The following CDC123 variants were observed in gnomAD, a reference collection of about 807,000 sequenced individuals.
The protein encoded by CDC123 is translation initiation factor eIF2 assembly protein.
A neutral mutation model predicts 54.4 loss-of-function variants in CDC123; 37 were observed. That is an observed-to-expected ratio of 0.68 (90% CI 0.52 to 0.89). CDC123 has a LOEUF of 0.89. Ranked by LOEUF, CDC123 falls within the 40% of genes least tolerant of loss-of-function variation. The pLI is 0.00. For synonymous variants in CDC123, 144 were observed against 136.8 expected (o/e 1.05, Z -0.37); for missense variants, 361 against 412.1 (o/e 0.88, Z 1.07).
chr10:12,214,777 A>G (rs774133228), intron 4 of CDC123, among the ~76,000 whole-genome samples: 3 of 152,036 alleles, frequency 2.0e-5, no homozygotes, highest in African/African-American at 7.2e-5. Flanking sequence ...AGTTTAGTTA[A>G]TTCAAGATGT....
chr10:12,198,848 G>A, intron 2 of CDC123, 72 bp downstream of exon 2: 1 of 815,976 alleles, frequency 1.2e-6, no homozygotes, highest in Non-Finnish European at 2.1e-6. Flanking sequence ...AATTAGCTTA[G>A]GCACCATTCT....
chr10:12,222,262 C>T (rs1835747050), intron 6 of CDC123, among the ~76,000 whole-genome samples: 1 of 152,200 alleles, frequency 6.6e-6, no homozygotes, highest in African/African-American at 2.4e-5. Context: ...GAAAATACTG[C>T]TTTTTTCTTT....
At chr10:12,203,412 G>A (rs1835469840) in intron 2 of CDC123, among the ~76,000 whole-genome samples, 2 of 152,216 alleles carry the variant, frequency 1.3e-5, no homozygotes, top group African/African-American at 4.8e-5. Flanking sequence ...TGAGTTCAGT[G>A]AATAGAATAG....
chr10:12,209,615 C>T (rs1307230119), intron 2 of CDC123, among the ~76,000 whole-genome samples: 1 of 152,124 alleles, frequency 6.6e-6, no homozygotes, highest in Non-Finnish European at 1.5e-5. Context: ...GGCTGGAGTG[C>T]AGTGGCACGA....
At chr10:12,225,175 A>G (rs1212007980) in intron 6 of CDC123, among the ~76,000 whole-genome samples, 1 of 152,080 alleles carries the variant, frequency 6.6e-6, no homozygotes, top group Non-Finnish European at 1.5e-5. Flanking sequence ...CAGGTGGATT[A>G]CCTAAGGTCG....
At chr10:12,225,858 A>C (rs1341509315) in intron 6 of CDC123, among the ~76,000 whole-genome samples, 2 of 146,948 alleles carry the variant, frequency 1.4e-5, no homozygotes, top group Non-Finnish European at 3.0e-5. Context: ...AGGTAAGCAG[A>C]TAAACATGTG....
At chr10:12,202,326 GTATT>G (rs1835450409) in intron 2 of CDC123, among the ~76,000 whole-genome samples, 1 of 152,120 alleles carries the variant, frequency 6.6e-6, no homozygotes, top group African/African-American at 2.4e-5. Context: ...TATATAGTAT[GTATT>G]CTTTTATGTC....
chr10:12,196,862 C>T (rs962883258), intron 1 of CDC123, among the ~76,000 whole-genome samples: 1 of 152,132 alleles, frequency 6.6e-6, no homozygotes, highest in Non-Finnish European at 1.5e-5. Context: ...TAAATTTATT[C>T]CACAGTGTAT....
intron 1 of CDC123, among the ~76,000 whole-genome samples, chr10:12,197,006 C>T (rs1374228745): frequency 6.6e-6 from 1 of 152,112 alleles, no homozygotes; most frequent in African/African-American, 2.4e-5. Context: ...TCAGTAATTG[C>T]TGATTCATTA....
At chr10:12,219,829 C>T (rs936563218) in intron 6 of CDC123, among the ~76,000 whole-genome samples, 2 of 151,992 alleles carry the variant, frequency 1.3e-5, no homozygotes, top group South Asian at 2.1e-4. Flanking sequence ...GGATTACAGG[C>T]GCATGGCTAC....
chr10:12,208,374 G>C (rs1489906019), intron 2 of CDC123, among the ~76,000 whole-genome samples: 1 of 152,156 alleles, frequency 6.6e-6, no homozygotes, highest in African/African-American at 2.4e-5. Flanking sequence ...GCCCTTTTCA[G>C]CCCTTGTGTT....
At chr10:12,214,278 A>G (rs1023798259) in intron 4 of CDC123, among the ~76,000 whole-genome samples, 5 of 152,334 alleles carry the variant, frequency 3.3e-5, no homozygotes, top group Non-Finnish European at 7.3e-5. Flanking sequence ...TTCATAGGAA[A>G]TACTGCCAGT....
chr10:12,211,309 T>C (rs1280528105), intron 4 of CDC123, among the ~76,000 whole-genome samples: 1 of 152,136 alleles, frequency 6.6e-6, no homozygotes, highest in Non-Finnish European at 1.5e-5. Context: ...TACAGAAAAC[T>C]AGTTTTGTGG....
rs1836212346 is a variant in CDC123 at position 12,249,590 on chromosome 10, G to C, written c.856G>C (p.Ala286Pro). 1 of 1,612,410 alleles carries C rather than the reference G, an allele frequency of 6.2e-7. No homozygotes were observed. The highest frequency in any genetic ancestry group is 8.5e-7 in the Non-Finnish European group (1 of 1,179,630). The change falls in exon 12 of 13, where the codon GCT (alanine) becomes CCT (proline). Residue 286 changes from alanine to proline, a missense_variant. Physicochemically the swap from Ala to Pro is conservative, Grantham distance 27 (BLOSUM62 -1). Transcript: ENST00000281141. ...TTTCTTCTTTGTACAGGATTCCCCA[G>C]CTTTCCGTTGCACAAACAGTGAAGT... ...EVDAQEQDSP[A>P]FRCTNSEVTV...
chr10:12,215,363 C>G (rs1835649650), intron 4 of CDC123, among the ~76,000 whole-genome samples: 1 of 152,188 alleles, frequency 6.6e-6, no homozygotes, highest in Admixed American at 6.5e-5. Flanking sequence ...GATGTTATTT[C>G]TGACAACTAG....
intron 6 of CDC123, among the ~76,000 whole-genome samples, chr10:12,219,368 T>G (rs963533103): frequency 2.0e-5 from 3 of 151,962 alleles, no homozygotes; most frequent in Non-Finnish European, 4.4e-5. Flanking sequence ...TGTCTGTGTC[T>G]GTGTGTGTGT....
chr10:12,249,059 A>G (rs1217543560), intron 11 of CDC123, among the ~76,000 whole-genome samples: 2 of 151,042 alleles, frequency 1.3e-5, no homozygotes, highest in African/African-American at 4.9e-5. Context: ...TGCAGTGAGC[A>G]ACAGAGACCT....
Position 12,237,274 on chromosome 10 carries a change from T to C in CDC123, c.688+8T>C. On this transcript the variant is annotated splice_region_variant and intron_variant, in intron 9 of 12. Transcript: ENST00000281141. ...AATTCTTAGATGAAGACTGTGAGTA[T>C]TTTTTTATTGATCCAGTAAAATGAA... 2.6e-6 allele frequency: 4 copies of C among 1,529,956 alleles called. No individual in the cohort carries two copies. Among genetic ancestry groups the C allele is most frequent in the Non-Finnish European group, 3.5e-6 (4 of 1,144,544 alleles). 94.8% of individuals were successfully genotyped at this position (1,529,956 alleles called of 1,614,324 possible). A position where few individuals can be genotyped will look rare whatever the true frequency, so the allele number is the denominator to read the frequency against.
At chr10:12,238,623 C>A in intron 10 of CDC123, 138 bp downstream of exon 10, 1 of 1,018,952 alleles carries the variant, frequency 9.8e-7, no homozygotes, top group South Asian at 1.7e-5. Context: ...TGCCTGTATT[C>A]CCAGCACTTT....
Sources: allele counts gnomAD v4.1 joint callset (sites outside exome capture counted in the v4.1 genomes callset), GRCh38; gene constraint gnomAD v4.1.1; transcripts MANE v1.5; gene names NCBI Gene and HGNC (gene_info 2026-07-23, HGNC 2026-07-21).